SFMBT2: variants seen among roughly 807,000 people sequenced by gnomAD.
SFMBT2 encodes scm-like with four MBT domains protein 2.
Under a neutral mutation model 110.1 loss-of-function variants are expected in SFMBT2, and 38 were observed. The observed-to-expected ratio is 0.35, with a 90% CI of 0.27 to 0.45. SFMBT2 has a LOEUF of 0.45. Among genes scored for constraint, SFMBT2 ranks in the 20% least tolerant of loss-of-function variants. The pLI is 1.00. For missense variants in SFMBT2, 1,011 were observed against 1,094.9 expected, an observed-to-expected ratio of 0.92 and a Z score of 1.08; for synonymous variants, 425 against 425.4, an observed-to-expected ratio of 1.00 and a Z score of 0.01.
At chr10:7,356,390 T>C (rs1342417701) in intron 4 of SFMBT2, among the ~76,000 whole-genome samples, 1 of 152,078 alleles carries the variant, frequency 6.6e-6, no homozygotes, top group African/African-American at 2.4e-5. Flanking sequence ...CACTAGCTAC[T>C]GCGTTTTGTT....
At chr10:7,184,673 A>G (rs1838343267) in intron 16 of SFMBT2, among the ~76,000 whole-genome samples, 1 of 152,112 alleles carries the variant, frequency 6.6e-6, no homozygotes, top group South Asian at 2.1e-4. Context: ...GCAGAATGTC[A>G]CTATGGTCTA....
intron 4 of SFMBT2, among the ~76,000 whole-genome samples, chr10:7,306,849 A>T (rs1271581475): frequency 6.6e-6 from 1 of 152,218 alleles, no homozygotes; most frequent in Non-Finnish European, 1.5e-5. Flanking sequence ...CAACTTCTAG[A>T]TTATCAATAA....
In SFMBT2 at chr10:7,170,701, C is replaced by G. The variant is rs111417448; in HGVS notation, c.2544+227G>C. 0.085 allele frequency among the ~76,000 whole-genome samples: 12,926 copies of G among 152,184 alleles called. 715 individuals carry two copies. The highest frequency in any genetic ancestry group is 0.12 in the Admixed American group (1,866 of 15,294). On this transcript the variant is annotated intron_variant, in intron 20 of 20. Coordinates refer to ENST00000397167, the MANE Select transcript of SFMBT2 (RefSeq NM_001387889.1). The surrounding 1 kb of genome is among the most constrained non-coding windows in gnomAD (Gnocchi z 4.6). ...GGAAGAGTCACCCCTCCGCCCCCCA[C>G]CATGGCACTGGTGGGGCCTGAGAGG...
At chr10:7,377,686 G>A (rs192934404) in intron 2 of SFMBT2, among the ~76,000 whole-genome samples, 15 of 152,222 alleles carry the variant, frequency 9.9e-5, no homozygotes, top group South Asian at 2.1e-4. Flanking sequence ...ATCTAATGCC[G>A]CTGCTGATCT....
chr10:7,200,392 C>A (rs376761308), intron 14 of SFMBT2, 22 bp downstream of exon 14: 5 of 1,551,178 alleles, frequency 3.2e-6, no homozygotes, highest in Non-Finnish European at 4.4e-6. Context: ...GGCACAGAGA[C>A]CCCCTAAATG....
At chr10:7,385,792 G>A (rs1196604263) in intron 1 of SFMBT2, among the ~76,000 whole-genome samples, 5 of 152,224 alleles carry the variant, frequency 3.3e-5, no homozygotes, top group South Asian at 4.2e-4. Context: ...GAGGTCAGGA[G>A]ATCAAGACCA....
At chr10:7,175,343 C>T (rs1838021996) in intron 17 of SFMBT2, among the ~76,000 whole-genome samples, 1 of 152,172 alleles carries the variant, frequency 6.6e-6, no homozygotes, top group Non-Finnish European at 1.5e-5. Flanking sequence ...GAAGCGGTTG[C>T]CCAAGGCCAG....
intron 6 of SFMBT2, among the ~76,000 whole-genome samples, chr10:7,279,454 C>T (rs1841880547): frequency 6.6e-6 from 1 of 152,212 alleles, no homozygotes; most frequent in African/African-American, 2.4e-5. Context: ...AGGTGAAAAT[C>T]AACTGCAGTT....
chr10:7,209,042 T>C (rs2131620717), intron 11 of SFMBT2, among the ~76,000 whole-genome samples: 1 of 152,332 alleles, frequency 6.6e-6, no homozygotes, highest in Middle Eastern at 3.4e-3. Flanking sequence ...CCTGGGAAAG[T>C]GTTTCTGACC....
chr10:7,353,623 C>T (rs986778910), intron 4 of SFMBT2, among the ~76,000 whole-genome samples: 6 of 152,160 alleles, frequency 3.9e-5, no homozygotes, highest in Admixed American at 2.0e-4. Context: ...TCATGTCCTC[C>T]CATCATGCAT....
At chr10:7,311,057 A>C (rs1588438058) in intron 4 of SFMBT2, among the ~76,000 whole-genome samples, 1 of 149,886 alleles carries the variant, frequency 6.7e-6, no homozygotes, top group African/African-American at 2.5e-5. Flanking sequence ...AAAAAAAAAA[A>C]AAAAAACAAA....
At chr10:7,359,916 C>T (rs638145) in intron 4 of SFMBT2, among the ~76,000 whole-genome samples, 29,454 of 152,146 alleles carry the variant, frequency 0.19, 3,365 homozygotes, top group African/African-American at 0.31. Flanking sequence ...TTCAAAGCAT[C>T]GATTTCAGAA....
chr10:7,394,023 G>C (rs1845852495), intron 1 of SFMBT2, among the ~76,000 whole-genome samples: 1 of 151,888 alleles, frequency 6.6e-6, no homozygotes, highest in Non-Finnish European at 1.5e-5. Flanking sequence ...TTTAATTTGA[G>C]AAAGGGTCTC....
chr10:7,270,986 C>T (rs537402456), intron 7 of SFMBT2, among the ~76,000 whole-genome samples: 8 of 151,970 alleles, frequency 5.3e-5, no homozygotes, highest in Non-Finnish European at 1.0e-4. Flanking sequence ...TATATGAACT[C>T]AAAAATTTTA....
At chr10:7,183,962 C>A (rs1324766226) in intron 16 of SFMBT2, among the ~76,000 whole-genome samples, 1 of 152,192 alleles carries the variant, frequency 6.6e-6, no homozygotes, top group Non-Finnish European at 1.5e-5. Flanking sequence ...CTCTCACTCA[C>A]CTGTCTTTGG....
intron 4 of SFMBT2, among the ~76,000 whole-genome samples, chr10:7,356,421 T>C (rs1233962555): frequency 6.6e-6 from 1 of 152,132 alleles, no homozygotes; most frequent in Non-Finnish European, 1.5e-5. Context: ...TTTTGTTTTG[T>C]TTTGTTTTGT....
intron 2 of SFMBT2, among the ~76,000 whole-genome samples, chr10:7,372,282 G>A (rs1009107746): frequency 6.6e-6 from 1 of 152,180 alleles, no homozygotes; most frequent in African/African-American, 2.4e-5. Context: ...TGTACTCTCA[G>A]AAATTGAGGG....
In SFMBT2 at chr10:7,204,361, A is replaced by G. The variant is rs945468378; in HGVS notation, c.1444+1454T>C. 12 of 985,330 alleles carry G rather than the reference A, an allele frequency of 1.2e-5. No individual in the cohort carries two copies. In the Admixed American group the frequency reaches 6.1e-4, roughly 50 times the overall value. The allele number at this position is 985,330 out of a possible 1,614,324, so 61.0% of individuals were successfully genotyped here. On this transcript the variant is annotated intron_variant, in intron 12 of 20. Coordinates refer to ENST00000397167, the MANE Select transcript of SFMBT2 (RefSeq NM_001387889.1). ...TGTGAGAGTCTACAGAAGTGGCCAC[A>G]GAACAGGCTGTTAGGAAGAAGTAAA... is the stretch of plus-strand genomic sequence containing the variant.
At position 7,397,877 on chromosome 10, in the gene SFMBT2, C is replaced by G. The variant is rs542116653; in HGVS notation, c.-52+12984G>C. Among the ~76,000 whole-genome samples, 96 of 152,354 alleles carry G rather than the reference C, an allele frequency of 6.3e-4. 1 individual carries two copies. Among genetic ancestry groups the G allele is most frequent in the African/African-American group, 1.8e-3 (74 of 41,572 alleles). ...TCTGACTAAGTACATCTCTCCCCCA[C>G]TCTCACCAGCCAACTAAGAAGAGAC... On this transcript the variant is annotated intron_variant, in intron 1 of 20. Transcript: ENST00000397167.
Sources: allele counts gnomAD v4.1 joint callset (sites outside exome capture counted in the v4.1 genomes callset), GRCh38; gene constraint gnomAD v4.1.1; non-coding constraint Gnocchi (gnomAD v3.1); transcripts MANE v1.5; gene names NCBI Gene and HGNC (gene_info 2026-07-23, HGNC 2026-07-21).